AKT3: variants seen among roughly 807,000 people sequenced by gnomAD.
The protein encoded by AKT3 is RAC-gamma serine/threonine-protein kinase.
AKT3 carries 15 observed loss-of-function variants against 65.3 expected under a neutral mutation model. The ratio of observed to expected loss-of-function variants is 0.23; its 90% CI spans 0.15 to 0.35. AKT3 has a LOEUF of 0.35. AKT3 is among the 10% of genes least tolerant of loss of function. The pLI, the probability that AKT3 is intolerant of heterozygous loss-of-function variation, is 1.00. For synonymous variants in AKT3, 206 were observed against 183.8 expected (o/e 1.12, Z -0.98); for missense variants, 243 against 576.5 (o/e 0.42, Z 5.92).
chr1:243,768,962 C>T (rs1224061057), intron 2 of AKT3, among the ~76,000 whole-genome samples: 2 of 152,062 alleles, frequency 1.3e-5, no homozygotes, highest in East Asian at 1.9e-4. Flanking sequence ...AACTTTTCAT[C>T]GCCCCAAATA....
chr1:243,743,079 G>T (rs1226458204), intron 2 of AKT3, among the ~76,000 whole-genome samples: 1 of 152,112 alleles, frequency 6.6e-6, no homozygotes, highest in Admixed American at 6.6e-5. Context: ...TAGTCACATA[G>T]ATCCAAAGGA....
chr1:243,510,325 T>G (rs1023279778), intron 13 of AKT3, among the ~76,000 whole-genome samples: 1 of 152,200 alleles, frequency 6.6e-6, no homozygotes, highest in Non-Finnish European at 1.5e-5. Flanking sequence ...ACTAGGAGCT[T>G]GGGCTAATAA....
In AKT3 at chr1:243,604,476, G is replaced by A. The variant is rs190185335; in HGVS notation, c.696+9195C>T. ...GCATTATCCACACTGTGCTATATTC[G>A]GTGGGTGGGGGAACCTGTCTGCTCC... On this transcript the variant is annotated intron_variant, in intron 8 of 13. Transcript: ENST00000673466. 4.0e-3 allele frequency among the ~76,000 whole-genome samples: 615 copies of A among 152,214 alleles called. 4 individuals carry two copies. The highest frequency in any genetic ancestry group is 0.014 in the African/African-American group (573 of 41,524).
At chr1:243,678,679 T>G (rs1468450229) in intron 3 of AKT3, among the ~76,000 whole-genome samples, 1 of 152,216 alleles carries the variant, frequency 6.6e-6, no homozygotes, top group Non-Finnish European at 1.5e-5. Context: ...TCTAAATCAC[T>G]TATTCAAAAT....
At chr1:243,560,651 A>C (rs1673712503) in intron 10 of AKT3, among the ~76,000 whole-genome samples, 1 of 152,160 alleles carries the variant, frequency 6.6e-6, no homozygotes. Context: ...AGTATTAAAA[A>C]AGGTATACAG....
chr1:243,606,401 C>G (rs1054956485), intron 8 of AKT3, among the ~76,000 whole-genome samples: 1 of 152,050 alleles, frequency 6.6e-6, no homozygotes, highest in Non-Finnish European at 1.5e-5. Context: ...CAGATGAAGA[C>G]GAGGAACTTA....
At position 243,572,811 on chromosome 1, in the gene AKT3, C is replaced by T. The variant is rs543540611; in HGVS notation, c.819+115G>A. The T allele has an allele frequency of 2.3e-4, 269 of 1,158,084 alleles. 2 individuals carry two copies. The African/African-American group carries it at 3.8e-3, about 16-fold the overall frequency. The allele number at this position is 1,158,084 out of a possible 1,614,324, so 71.7% of individuals were successfully genotyped here. A position where few individuals can be genotyped will look rare whatever the true frequency, so the allele number is the denominator to read the frequency against. On this transcript the variant is annotated intron_variant, in intron 9 of 13. Transcript: ENST00000673466. ...GTGAACTAAATTTTTAAACATAGTG[C>T]TTTTTTCCCAACTAAATCTGCTTTT...
chr1:243,680,884 C>T (rs1330020612), intron 3 of AKT3, among the ~76,000 whole-genome samples: 1 of 152,110 alleles, frequency 6.6e-6, no homozygotes, highest in African/African-American at 2.4e-5. Flanking sequence ...TTCTCAAATA[C>T]ATCTTCATGT....
intron 8 of AKT3, among the ~76,000 whole-genome samples, chr1:243,611,363 C>T (rs1490142620): frequency 1.3e-5 from 2 of 152,048 alleles, no homozygotes; most frequent in Admixed American, 6.6e-5. Context: ...TTGTTTCTAC[C>T]AAGATCTAAT....
At chr1:243,835,255 T>C (rs1694820137) in intron 2 of AKT3, among the ~76,000 whole-genome samples, 1 of 152,126 alleles carries the variant, frequency 6.6e-6, no homozygotes, top group South Asian at 2.1e-4. Context: ...TCTCCAGACA[T>C]TGCCAAATGT....
At chr1:243,659,217 C>T (rs1345305540) in intron 4 of AKT3, among the ~76,000 whole-genome samples, 2 of 152,068 alleles carry the variant, frequency 1.3e-5, no homozygotes, top group Non-Finnish European at 2.9e-5. Flanking sequence ...CTAAAGTAGT[C>T]GAATTCACAG....
chr1:243,511,375 G>A lies in AKT3; in HGVS notation c.1354+949C>T, dbSNP rs533570402. 2.2e-3 allele frequency among the ~76,000 whole-genome samples: 341 copies of A among 152,234 alleles called. 1 individual carries two copies. Among genetic ancestry groups the A allele is most frequent in the Non-Finnish European group, 3.9e-3 (262 of 68,010 alleles). Reference sequence around the variant, plus strand: ...CCACATGACCCCTTGTTTGCCTCTCGACAGTAGAATCTGCTGCCTGTGACC... The same window carrying A: ...CCACATGACCCCTTGTTTGCCTCTCAACAGTAGAATCTGCTGCCTGTGACC... On this transcript the variant is annotated intron_variant, in intron 13 of 13. Coordinates refer to ENST00000673466, the MANE Select transcript of AKT3 (RefSeq NM_005465.7).
At chr1:243,835,822 TA>T (rs935740886) in intron 2 of AKT3, among the ~76,000 whole-genome samples, 1 of 151,956 alleles carries the variant, frequency 6.6e-6, no homozygotes, top group Non-Finnish European at 1.5e-5. Flanking sequence ...TGAAGAGAGG[TA>T]TTTTTTTAAA....
At chr1:243,733,328 A>G (rs1411510844) in intron 2 of AKT3, among the ~76,000 whole-genome samples, 1 of 152,224 alleles carries the variant, frequency 6.6e-6, no homozygotes, top group Non-Finnish European at 1.5e-5. Flanking sequence ...GACCTCAATT[A>G]TTGTAGTATT....
chr1:243,752,984 C>T (rs1048084943), intron 2 of AKT3, among the ~76,000 whole-genome samples: 1 of 152,170 alleles, frequency 6.6e-6, no homozygotes, highest in African/African-American at 2.4e-5. Flanking sequence ...TTTCCCAATA[C>T]ATAGTCTTTT....
chr1:243,502,715 G>T lies in AKT3; in HGVS notation c.*2534C>A, dbSNP rs1438192947. 1 of 233,178 alleles carries T rather than the reference G, an allele frequency of 4.3e-6. No individual in the cohort carries two copies. Among genetic ancestry groups the T allele is most frequent in the African/African-American group, 2.2e-5 (1 of 45,356 alleles). The allele number at this position is 233,178 out of a possible 1,614,324, so 14.4% of individuals were successfully genotyped here. ...AATCAAAGCCAAGAAGACACCTTGT[G>T]TGACACCAATGGAGTCTCAGAGGGT... On this transcript the variant is annotated 3_prime_UTR_variant, in exon 14 of 14. Coordinates refer to ENST00000673466, the MANE Select transcript of AKT3 (RefSeq NM_005465.7).
At chr1:243,639,912 AC>A (rs1384078761) in intron 5 of AKT3, among the ~76,000 whole-genome samples, 1 of 151,952 alleles carries the variant, frequency 6.6e-6, no homozygotes, top group African/African-American at 2.4e-5. Flanking sequence ...CCCAGGCTGA[AC>A]CCCAATTTTT....
At chr1:243,538,031 T>C (rs1043857477) in intron 12 of AKT3, among the ~76,000 whole-genome samples, 4 of 152,100 alleles carry the variant, frequency 2.6e-5, no homozygotes, top group Non-Finnish European at 5.9e-5. Flanking sequence ...ATAGTCTATG[T>C]AAAGGAATGG....
At chr1:243,520,943 G>T (rs964459856) in intron 12 of AKT3, among the ~76,000 whole-genome samples, 1 of 152,184 alleles carries the variant, frequency 6.6e-6, no homozygotes, top group Non-Finnish European at 1.5e-5. Context: ...TCTGAAGGTT[G>T]TTAGAGTAAG....
Sources: allele counts gnomAD v4.1 joint callset (sites outside exome capture counted in the v4.1 genomes callset), GRCh38; gene constraint gnomAD v4.1.1; transcripts MANE v1.5; gene names NCBI Gene and HGNC (gene_info 2026-07-23, HGNC 2026-07-21).